Variants in GPR137C observed in about 807,000 individuals in gnomAD.
GPR137C encodes integral membrane protein GPR137C.
Under a neutral mutation model 43.4 loss-of-function variants are expected in GPR137C, and 27 were observed. The ratio of observed to expected loss-of-function variants is 0.62; its 90% CI spans 0.46 to 0.86. GPR137C has a LOEUF of 0.86. GPR137C is among the 40% of genes least tolerant of loss of function. GPR137C has a pLI of 0.00. For synonymous variants in GPR137C, 285 were observed against 226.9 expected (o/e 1.26, Z -2.30); for missense variants, 522 against 534.6 (o/e 0.98, Z 0.23).
At chr14:52,576,642 A>G (rs945146712) in intron 1 of GPR137C, among the ~76,000 whole-genome samples, 1 of 152,220 alleles carries the variant, frequency 6.6e-6, no homozygotes, top group Non-Finnish European at 1.5e-5. Context: ...CGAGGCAGAA[A>G]GTCAACAAAG....
rs1594811269 is a variant in GPR137C, at chr14:52,632,089, T to G, written c.718-71T>G. ...AGTGCATTGCAAGAGGTGACCATATTGTATGTACATGAATAGCTTGTCGTG... is the reference window on the plus strand; with the variant it reads ...AGTGCATTGCAAGAGGTGACCATATGGTATGTACATGAATAGCTTGTCGTG... On this transcript the variant is annotated intron_variant, in intron 3 of 6. Coordinates refer to ENST00000321662, the MANE Select transcript of GPR137C (RefSeq NM_001099652.2). 18 of 999,364 alleles carry G rather than the reference T, an allele frequency of 1.8e-5. No individual in the cohort carries two copies. In the East Asian group the frequency reaches 3.9e-4, roughly 22 times the overall value. The allele number at this position is 999,364 out of a possible 1,614,324, so 61.9% of individuals were successfully genotyped here.
intron 1 of GPR137C, among the ~76,000 whole-genome samples, chr14:52,579,827 A>AT (rs1447812739): frequency 1.3e-5 from 2 of 152,112 alleles, no homozygotes; most frequent in African/African-American, 2.4e-5. Context: ...AGTGCCCAAG[A>AT]TTTTTTTTAT....
chr14:52,633,471 G>A (rs1594811943), intron 4 of GPR137C, 59 bp from the exon 5 acceptor site: 3 of 1,463,582 alleles, frequency 2.0e-6, no homozygotes, highest in Non-Finnish European at 1.9e-6. Context: ...GTTAACTGTG[G>A]AGGTGATTGC....
In GPR137C at chr14:52,576,170, T is replaced by C. The variant is rs532316899; in HGVS notation, c.445-22102T>C. Among the ~76,000 whole-genome samples the C allele has an allele frequency of 2.7e-4, 41 of 152,346 alleles. No individual in the cohort carries two copies. In the East Asian group the frequency reaches 7.5e-3, roughly 28 times the overall value. ...AAAGACACTCTTATCAGGCAGACTA[T>C]TCTACATGTGTACCCTTTGTTTAAC... is the stretch of plus-strand genomic sequence containing the variant. On this transcript the variant is annotated intron_variant, in intron 1 of 6. Transcript: ENST00000321662.
chr14:52,569,624 C>T (rs1469749305), intron 1 of GPR137C, among the ~76,000 whole-genome samples: 1 of 151,638 alleles, frequency 6.6e-6, no homozygotes, highest in African/African-American at 2.4e-5. Flanking sequence ...TGAAAAACAG[C>T]ATGAGAACTT....
At chr14:52,557,741 TAGAA>T (rs773139381) in intron 1 of GPR137C, among the ~76,000 whole-genome samples, 132 of 152,312 alleles carry the variant, frequency 8.7e-4, no homozygotes, top group African/African-American at 2.0e-3. Flanking sequence ...CCCCATGAAA[TAGAA>T]AGAGATGTGA....
chr14:52,606,056 C>T (rs995181745), intron 3 of GPR137C, among the ~76,000 whole-genome samples: 14 of 152,256 alleles, frequency 9.2e-5, no homozygotes, highest in African/African-American at 3.4e-4. Flanking sequence ...ATGCTAGCCT[C>T]ATAGAATGAT....
intron 1 of GPR137C, among the ~76,000 whole-genome samples, chr14:52,574,965 A>G (rs1223817065): frequency 6.6e-6 from 1 of 152,212 alleles, no homozygotes; most frequent in Non-Finnish European, 1.5e-5. Context: ...TTTTTAAAGG[A>G]CAGCATAGTT....
intron 1 of GPR137C, among the ~76,000 whole-genome samples, chr14:52,578,968 AC>A (rs1407980704): frequency 6.6e-6 from 1 of 151,442 alleles, no homozygotes; most frequent in African/African-American, 2.4e-5. Context: ...AAGAATGGAA[AC>A]TCTGAGCTTA....
chr14:52,621,575 T>G (rs1439987966), intron 3 of GPR137C, among the ~76,000 whole-genome samples: 1 of 151,898 alleles, frequency 6.6e-6, no homozygotes, highest in Non-Finnish European at 1.5e-5. Context: ...TTGTGAGGTT[T>G]ACATATGTAT....
intron 1 of GPR137C, among the ~76,000 whole-genome samples, chr14:52,557,186 T>C (rs918916279): frequency 3.9e-5 from 6 of 152,306 alleles, no homozygotes; most frequent in East Asian, 1.9e-4. Flanking sequence ...TTACATATTT[T>C]TATCTCCAGC....
At chr14:52,562,200 CA>C (rs1267123747) in intron 1 of GPR137C, among the ~76,000 whole-genome samples, 1 of 152,242 alleles carries the variant, frequency 6.6e-6, no homozygotes, top group East Asian at 1.9e-4. Context: ...GTACAACATG[CA>C]GCTCCATCAT....
chr14:52,609,751 G>A (rs1201838148), intron 3 of GPR137C, among the ~76,000 whole-genome samples: 1 of 152,178 alleles, frequency 6.6e-6, no homozygotes, highest in East Asian at 1.9e-4. Flanking sequence ...TGGGAATGCT[G>A]GCCAGGGACC....
At chr14:52,590,546 C>T (rs561202619) in intron 1 of GPR137C, among the ~76,000 whole-genome samples, 1 of 152,292 alleles carries the variant, frequency 6.6e-6, no homozygotes, top group East Asian at 1.9e-4. Flanking sequence ...ACTTCCAGCC[C>T]TGTAAGCTGC....
rs138961826 is a variant in GPR137C at position 52,598,170 on chromosome 14, A to G, written c.445-102A>G. Reference sequence around the variant, plus strand: ...TTAACATTTCAACTTTGCGTGCTATATGTTATTTATAGTGGTAGCACTTTA... The same window carrying G: ...TTAACATTTCAACTTTGCGTGCTATGTGTTATTTATAGTGGTAGCACTTTA... On this transcript the variant is annotated intron_variant, in intron 1 of 6. Coordinates refer to ENST00000321662, the MANE Select transcript of GPR137C (RefSeq NM_001099652.2). 2.4e-4 allele frequency: 109 copies of G among 461,614 alleles called. No individual in the cohort carries two copies. The East Asian group carries it at 3.6e-3, about 15-fold the overall frequency. 28.6% of individuals were successfully genotyped at this position (461,614 alleles called of 1,614,324 possible).
chr14:52,569,321 A>G (rs2038427273), intron 1 of GPR137C, among the ~76,000 whole-genome samples: 1 of 152,088 alleles, frequency 6.6e-6, no homozygotes, highest in South Asian at 2.1e-4. Context: ...AGGTAAATCC[A>G]TGAAGATGAG....
At chr14:52,599,609 T>C (rs2038899995) in intron 2 of GPR137C, among the ~76,000 whole-genome samples, 1 of 152,092 alleles carries the variant, frequency 6.6e-6, no homozygotes, top group Non-Finnish European at 1.5e-5. Flanking sequence ...AATTTTTGTA[T>C]TTTTAGTAGA....
rs1468137208 is a variant in GPR137C, at chr14:52,635,286, T to C, written c.*171T>C. ...GCTATTATTTTTGACCTCTTCATAG[T>C]AAAATGAAGTAAAATGGAAAGTTTG... On this transcript the variant is annotated 3_prime_UTR_variant, in exon 7 of 7. Transcript: ENST00000321662. 2.1e-6 allele frequency: 1 copy of C among 477,560 alleles called. No individual in the cohort carries two copies. The highest frequency in any genetic ancestry group is 4.4e-5 in the Admixed American group (1 of 22,888). The allele number at this position is 477,560 out of a possible 1,614,324, so 29.6% of individuals were successfully genotyped here. A position where few individuals can be genotyped will look rare whatever the true frequency, so the allele number is the denominator to read the frequency against.
At chr14:52,598,354 C>T (rs1199438794) in intron 2 of GPR137C, 39 bp downstream of exon 2, 2 of 888,478 alleles carry the variant, frequency 2.3e-6, no homozygotes, top group African/African-American at 1.7e-5. Flanking sequence ...TCTAAAAGAT[C>T]TAAAGCATTA....
Sources: gnomAD v4.1 joint callset for allele counts (sites outside exome capture counted in the v4.1 genomes callset) on GRCh38, gnomAD v4.1.1 for gene constraint, MANE v1.5 for transcripts, NCBI Gene and HGNC (gene_info 2026-07-23, HGNC 2026-07-21) for gene names.